NEK11: variants seen among roughly 807,000 people sequenced by gnomAD.
NEK11 encodes the protein NIMA related kinase 11.
NEK11 carries 72 observed loss-of-function variants against 80.7 expected under a neutral mutation model. The ratio of observed to expected loss-of-function variants is 0.89; its 90% CI spans 0.74 to 1.08. The LOEUF (loss-of-function observed/expected upper bound fraction) is 1.08. Ranked by LOEUF, NEK11 falls within the 50% of genes least tolerant of loss-of-function variation. The pLI, the probability that NEK11 is intolerant of heterozygous loss-of-function variation, is 0.00. For missense variants in NEK11, 764 were observed against 763.6 expected (o/e 1.00, Z -0.01); for synonymous variants, 251 against 260.7 (o/e 0.96, Z 0.36).
intron 3 of NEK11, among the ~76,000 whole-genome samples, chr3:131,047,972 G>A (rs2067679451): frequency 6.6e-6 from 1 of 152,062 alleles, no homozygotes; most frequent in Non-Finnish European, 1.5e-5. Context: ...GGGGTATGTG[G>A]GTGTGGTTCT....
At chr3:131,102,918 T>C (rs888183319) in intron 4 of NEK11, among the ~76,000 whole-genome samples, 3 of 152,232 alleles carry the variant, frequency 2.0e-5, no homozygotes, top group African/African-American at 7.2e-5. Context: ...GAAGAACTGG[T>C]CTTTGAGCTC....
At chr3:131,102,899 A>G (rs931339470) in intron 4 of NEK11, among the ~76,000 whole-genome samples, 2 of 151,984 alleles carry the variant, frequency 1.3e-5, no homozygotes, top group East Asian at 3.9e-4. Context: ...TGTCCAACTG[A>G]GTTGATTCGA....
Position 131,154,457 on chromosome 3 carries a change from T to A in NEK11, c.877-579T>A, listed in dbSNP as rs114103581. 3.5e-3 allele frequency among the ~76,000 whole-genome samples: 529 copies of A among 152,280 alleles called. 1 individual carries two copies. Among genetic ancestry groups the A allele is most frequent in the African/African-American group, 0.012 (503 of 41,558 alleles). On this transcript the variant is annotated intron_variant, in intron 9 of 17. Coordinates refer to ENST00000383366, the MANE Select transcript of NEK11 (RefSeq NM_024800.5). ...CCCAGGTAACAAGATATTAACACTT[T>A]AAAGACAGAATCCAGCAGGGCCAGG...
intron 17 of NEK11, among the ~76,000 whole-genome samples, chr3:131,336,447 C>T (rs1254989871): frequency 6.6e-6 from 1 of 152,184 alleles, no homozygotes; most frequent in Non-Finnish European, 1.5e-5. Flanking sequence ...CCCTTCCTTA[C>T]ACCTTATACA....
At chr3:131,202,751 C>T (rs1197729509) in intron 14 of NEK11, among the ~76,000 whole-genome samples, 1 of 152,068 alleles carries the variant, frequency 6.6e-6, no homozygotes, top group Non-Finnish European at 1.5e-5. Context: ...AAACAGCCCC[C>T]TCAAAAAGTG....
chr3:131,326,186 T>G (rs780588908), intron 17 of NEK11: 2 of 152,240 alleles, frequency 1.3e-5, no homozygotes, highest in Non-Finnish European at 2.9e-5. Flanking sequence ...TAATGGGTAC[T>G]GAGGCATTTT....
At chr3:131,315,467 CTGTGTG>C (rs111470166) in intron 17 of NEK11, among the ~76,000 whole-genome samples, 13 of 137,626 alleles carry the variant, frequency 9.4e-5, no homozygotes, top group East Asian at 4.1e-4. Context: ...AATAATATTC[CTGTGTG>C]TGTGTGTGTG....
intron 3 of NEK11, among the ~76,000 whole-genome samples, chr3:131,065,247 T>G (rs1296935733): frequency 6.6e-6 from 1 of 152,178 alleles, no homozygotes; most frequent in Non-Finnish European, 1.5e-5. Context: ...ATCTGTAAAA[T>G]GGGGAAAATA....
intron 17 of NEK11, among the ~76,000 whole-genome samples, chr3:131,294,800 A>C (rs923161712): frequency 2.6e-5 from 4 of 152,122 alleles, no homozygotes; most frequent in Non-Finnish European, 5.9e-5. Flanking sequence ...GACTTCTTAG[A>C]GAATTGACCC....
At chr3:131,029,505 A>G (rs2064466629) in intron 2 of NEK11, 108 bp from the exon 3 acceptor site, 1 of 421,262 alleles carries the variant, frequency 2.4e-6, no homozygotes, top group South Asian at 6.9e-5. Flanking sequence ...GTTAACCAAT[A>G]TGGTGTCAGT....
intron 17 of NEK11, among the ~76,000 whole-genome samples, chr3:131,297,778 A>G (rs2096612621): frequency 6.6e-6 from 1 of 152,134 alleles, no homozygotes; most frequent in South Asian, 2.1e-4. Context: ...GTTTTCTTCT[A>G]AGGTTTTTAT....
At chr3:131,311,904 C>A (rs1482803388) in intron 17 of NEK11, among the ~76,000 whole-genome samples, 1 of 152,112 alleles carries the variant, frequency 6.6e-6, no homozygotes, top group Non-Finnish European at 1.5e-5. Flanking sequence ...TCAATGGAAG[C>A]CCACAAAGTC....
rs113998823 is a variant in NEK11, at chr3:131,092,655, G to A, written c.336+12067G>A. 7.8e-3 allele frequency among the ~76,000 whole-genome samples: 1,186 copies of A among 152,238 alleles called. 22 individuals are homozygous for A. Among genetic ancestry groups the A allele is most frequent in the African/African-American group, 0.027 (1,120 of 41,534 alleles). On this transcript the variant is annotated intron_variant, in intron 4 of 17. Coordinates refer to ENST00000383366, the MANE Select transcript of NEK11 (RefSeq NM_024800.5). ...GAATTTATAAAGGATTCTGGGCAAC[G>A]ATAGCCTTTGCAATAGAGTCAGCTA...
intron 17 of NEK11, among the ~76,000 whole-genome samples, chr3:131,323,189 G>T (rs769349271): frequency 6.6e-6 from 1 of 152,210 alleles, no homozygotes; most frequent in East Asian, 1.9e-4. Flanking sequence ...ACCTTAACGA[G>T]GAATTTTCTC....
chr3:131,163,043 A>G (rs1424546541), intron 11 of NEK11, among the ~76,000 whole-genome samples: 1 of 152,228 alleles, frequency 6.6e-6, no homozygotes, highest in Non-Finnish European at 1.5e-5. Flanking sequence ...CTGGTGGGAG[A>G]TATCACTAGT....
At chr3:131,156,947 CAAA>C (rs749067690) in intron 10 of NEK11, among the ~76,000 whole-genome samples, 3 of 108,122 alleles carry the variant, frequency 2.8e-5, no homozygotes, top group African/African-American at 3.4e-5. Context: ...GAGCATTCCA[CAAA>C]AAAAAAAAAA....
chr3:131,258,984 T>C (rs1427841), intron 16 of NEK11, among the ~76,000 whole-genome samples: 143,395 of 152,182 alleles, frequency 0.94, 67,653 homozygotes, highest in East Asian at 1. Flanking sequence ...AGCAATAATG[T>C]ACCTTTATAT....
intron 15 of NEK11, among the ~76,000 whole-genome samples, chr3:131,237,880 G>C (rs1472502943): frequency 1.3e-5 from 2 of 152,136 alleles, no homozygotes; most frequent in African/African-American, 4.8e-5. Flanking sequence ...CTTACTACCT[G>C]CATTCCTACT....
Position 131,184,185 on chromosome 3 carries a change from G to T in NEK11, c.1399+13298G>T, listed in dbSNP as rs575849576. Among the ~76,000 whole-genome samples the T allele has an allele frequency of 2.6e-5, 4 of 152,266 alleles. No homozygotes were observed. In the East Asian group the frequency reaches 5.8e-4, roughly 22 times the overall value. Reference sequence around the variant, plus strand: ...TATTCATTGATTCAAAAATGTCAGAGGAAGTACTCACAGTATAGGAATGTA... The same window carrying T: ...TATTCATTGATTCAAAAATGTCAGATGAAGTACTCACAGTATAGGAATGTA... On this transcript the variant is annotated intron_variant, in intron 14 of 17. Coordinates refer to ENST00000383366, the MANE Select transcript of NEK11 (RefSeq NM_024800.5).
Sources: allele counts gnomAD v4.1 joint callset (sites outside exome capture counted in the v4.1 genomes callset), GRCh38; gene constraint gnomAD v4.1.1; transcripts MANE v1.5; gene names NCBI Gene and HGNC (gene_info 2026-07-23, HGNC 2026-07-21).